SFMBT2: variants seen among roughly 807,000 people sequenced by gnomAD.
SFMBT2 encodes the protein scm-like with four MBT domains protein 2.
In SFMBT2, 38 loss-of-function variants were observed where a neutral mutation model predicts 110.1. The observed-to-expected ratio is 0.35, with a 90% CI of 0.27 to 0.45. SFMBT2 has a LOEUF of 0.45. SFMBT2 is among the 20% of genes least tolerant of loss of function. SFMBT2 has a pLI of 1.00. For synonymous variants in SFMBT2, 425 were observed against 425.4 expected (o/e 1.00, Z 0.01); for missense variants, 1,011 against 1,094.9 (o/e 0.92, Z 1.08).
At chr10:7,298,186 A>C (rs959693917) in intron 4 of SFMBT2, among the ~76,000 whole-genome samples, 3 of 152,204 alleles carry the variant, frequency 2.0e-5, no homozygotes, top group Non-Finnish European at 4.4e-5. Flanking sequence ...TTCCCCTAAC[A>C]GCCAGCCTCT....
At chr10:7,216,286 G>T (rs915117490) in intron 11 of SFMBT2, among the ~76,000 whole-genome samples, 3 of 152,210 alleles carry the variant, frequency 2.0e-5, no homozygotes, top group African/African-American at 7.2e-5. Flanking sequence ...CCCATGTGTT[G>T]TGGGAGGGGC....
At chr10:7,272,640 G>T (rs1338144388) in intron 7 of SFMBT2, among the ~76,000 whole-genome samples, 1 of 152,160 alleles carries the variant, frequency 6.6e-6, no homozygotes, top group Non-Finnish European at 1.5e-5. Context: ...CGTGGCTCCT[G>T]GAACGCTGGC....
chr10:7,265,856 C>T (rs946156771), intron 7 of SFMBT2, among the ~76,000 whole-genome samples: 2 of 152,100 alleles, frequency 1.3e-5, no homozygotes, highest in Non-Finnish European at 2.9e-5. Context: ...CTGGGTACTG[C>T]GGAAGGCACT....
At chr10:7,376,798 T>A (rs149213077) in intron 2 of SFMBT2, among the ~76,000 whole-genome samples, 68 of 128,416 alleles carry the variant, frequency 5.3e-4, no homozygotes, top group African/African-American at 2.0e-3. Context: ...GTCTTCCTTC[T>A]TGGGGGCATC....
chr10:7,385,809 C>T (rs1000590910), intron 1 of SFMBT2, among the ~76,000 whole-genome samples: 4 of 152,064 alleles, frequency 2.6e-5, no homozygotes, highest in African/African-American at 9.7e-5. Context: ...ACCATCCTGG[C>T]TAACACGGTG....
intron 17 of SFMBT2, among the ~76,000 whole-genome samples, chr10:7,174,765 C>T (rs7093865): frequency 0.011 from 1,670 of 152,272 alleles, 25 homozygotes; most frequent in African/African-American, 0.038. Context: ...CAGTGAAGCC[C>T]TCCCCTGGAA....
intron 1 of SFMBT2, among the ~76,000 whole-genome samples, chr10:7,406,985 CG>C (rs1173290155): frequency 2.1e-5 from 3 of 140,292 alleles, no homozygotes; most frequent in Admixed American, 7.0e-5. Context: ...AGAGGGTTGG[CG>C]GGGGGGGAGG....
chr10:7,315,077 AAAGAAAGAAAG>A (rs2131914868), intron 4 of SFMBT2, among the ~76,000 whole-genome samples: 1 of 145,194 alleles, frequency 6.9e-6, no homozygotes, highest in Admixed American at 6.8e-5. Context: ...AGAAAGAAAG[AAAGAAAGAAAG>A]AAAGAAAGAA....
At position 7,172,345 on chromosome 10, in the gene SFMBT2, C is replaced by T. The variant is rs1837905568; in HGVS notation, c.2151+150G>A. 3.4e-6 allele frequency: 5 copies of T among 1,479,954 alleles called. No individual in the cohort carries two copies. The highest frequency in any genetic ancestry group is 4.5e-6 in the Non-Finnish European group (5 of 1,117,762). The allele number at this position is 1,479,954 out of a possible 1,614,324, so 91.7% of individuals were successfully genotyped here. Reference sequence around the variant, plus strand: ...CAGCTGGACACACTACATTTGTTTTCAGCAAGTAAGGAGGAGGGGGCTCTT... The same window carrying T: ...CAGCTGGACACACTACATTTGTTTTTAGCAAGTAAGGAGGAGGGGGCTCTT... On this transcript the variant is annotated intron_variant, in intron 18 of 20. Transcript: ENST00000397167. This position sits in a 1 kb window ranked among gnomAD's most constrained non-coding sequence, Gnocchi z 4.6.
At chr10:7,188,538 T>G (rs1838496901) in intron 16 of SFMBT2, 86 bp downstream of exon 16, 1 of 998,576 alleles carries the variant, frequency 1.0e-6, no homozygotes, top group Non-Finnish European at 1.5e-6. Context: ...TTCTCAGGGC[T>G]GTGTCACAAA....
Position 7,257,634 on chromosome 10 carries a change from A to G in SFMBT2, c.871-8985T>C, listed in dbSNP as rs188413008. Reference sequence around the variant, plus strand: ...AAAGAGAAGACAGAAAAGAAAGAACATTCATGTCTGCTGGGCCTGCCTGAA... The same window carrying G: ...AAAGAGAAGACAGAAAAGAAAGAACGTTCATGTCTGCTGGGCCTGCCTGAA... On this transcript the variant is annotated intron_variant, in intron 7 of 20. Coordinates refer to ENST00000397167, the MANE Select transcript of SFMBT2 (RefSeq NM_001387889.1). 8.9e-3 allele frequency among the ~76,000 whole-genome samples: 1,355 copies of G among 152,330 alleles called. 23 individuals are homozygous for G. Among genetic ancestry groups the G allele is most frequent in the African/African-American group, 0.032 (1,315 of 41,552 alleles).
chr10:7,168,895 G>A (rs550581708), intron 20 of SFMBT2, among the ~76,000 whole-genome samples: 4 of 152,156 alleles, frequency 2.6e-5, no homozygotes, highest in Non-Finnish European at 5.9e-5. Context: ...GTCCAGACAG[G>A]AAGGGTGGCC....
chr10:7,363,328 G>A (rs909398696), intron 4 of SFMBT2, among the ~76,000 whole-genome samples: 1 of 152,090 alleles, frequency 6.6e-6, no homozygotes, highest in South Asian at 2.1e-4. Flanking sequence ...CCAGCCATGT[G>A]GAACTGTGAC....
At chr10:7,366,338 C>T (rs975493544) in intron 4 of SFMBT2, among the ~76,000 whole-genome samples, 11 of 151,772 alleles carry the variant, frequency 7.2e-5, no homozygotes, top group Non-Finnish European at 1.2e-4. Flanking sequence ...CATTTTATGA[C>T]CCCCTTCTTA....
Position 7,188,616 on chromosome 10 carries a change from AC to A in SFMBT2, c.1808+7del. ...AAACCCTTGCTTTCCAGAATTGAAA[AC>A]ACTTACTTGGCCTTCAGCGTCTCTT... On this transcript the variant is annotated splice_region_variant and intron_variant, in intron 16 of 20. Coordinates refer to ENST00000397167, the MANE Select transcript of SFMBT2 (RefSeq NM_001387889.1). The A allele has an allele frequency of 6.2e-7, 1 of 1,608,666 alleles. No individual in the cohort carries two copies.
chr10:7,289,822 T>C (rs1332356809), intron 4 of SFMBT2, among the ~76,000 whole-genome samples: 1 of 152,224 alleles, frequency 6.6e-6, no homozygotes, highest in Admixed American at 6.5e-5. Context: ...CCTTAACCAC[T>C]GATTAATTCA....
At position 7,170,990 on chromosome 10, in the gene SFMBT2, C is replaced by G; in HGVS notation, c.2482G>C (p.Asp828His). ...GTCAGCTTAATGAACCTCACCACGT[C>G]GGTGACCGTCCACTCCAACGGGTTG... Reference protein sequence around the residue: ...ESNPLEWTVTDVVRFIKLTDC... With the variant: ...ESNPLEWTVTHVVRFIKLTDC... The change falls in exon 20 of 21, where the codon GAC (aspartate) becomes CAC (histidine). Residue 828 changes from aspartate to histidine, a missense_variant. Physicochemically the swap from Asp to His is moderately conservative, Grantham distance 81. Coordinates refer to ENST00000397167, the MANE Select transcript of SFMBT2 (RefSeq NM_001387889.1). This position sits in a 1 kb window ranked among gnomAD's most constrained non-coding sequence, Gnocchi z 4.6. 6.2e-7 allele frequency: 1 copy of G among 1,614,214 alleles called. No homozygotes were observed. Among genetic ancestry groups the G allele is most frequent in the Non-Finnish European group, 8.5e-7 (1 of 1,180,028 alleles).
intron 9 of SFMBT2, among the ~76,000 whole-genome samples, chr10:7,240,324 C>T (rs752080196): frequency 1.3e-5 from 2 of 152,164 alleles, no homozygotes; most frequent in Non-Finnish European, 1.5e-5. Context: ...GACAGCCTTC[C>T]ACATCAGTTC....
chr10:7,251,539 T>A (rs534989352), intron 7 of SFMBT2, among the ~76,000 whole-genome samples: 1 of 152,298 alleles, frequency 6.6e-6, no homozygotes, highest in East Asian at 1.9e-4. Context: ...TGAGTCCCGA[T>A]CACAGCTTTT....
Sources: allele counts gnomAD v4.1 joint callset (sites outside exome capture counted in the v4.1 genomes callset), GRCh38; gene constraint gnomAD v4.1.1; non-coding constraint Gnocchi (gnomAD v3.1); transcripts MANE v1.5; gene names NCBI Gene and HGNC (gene_info 2026-07-23, HGNC 2026-07-21).